The following ATG10 variants were observed in gnomAD, a reference collection of about 807,000 sequenced individuals.
ATG10 encodes autophagy related 10, also known as ubiquitin-like-conjugating enzyme ATG10.
In ATG10, 30 loss-of-function variants were observed where a neutral mutation model predicts 32.1. That is an observed-to-expected ratio of 0.94 (90% confidence interval 0.70 to 1.27). ATG10 has a LOEUF of 1.27. Among genes scored for constraint, ATG10 ranks in the 50% most tolerant of loss-of-function variants. The pLI is 0.00. For synonymous variants in ATG10, 87 were observed against 91.5 expected (o/e 0.95, Z 0.28); for missense variants, 233 against 262.3 (o/e 0.89, Z 0.77).
intron 5 of ATG10, among the ~76,000 whole-genome samples, chr5:82,216,490 C>A (rs953049044): frequency 5.3e-5 from 8 of 152,180 alleles, no homozygotes; most frequent in South Asian, 4.1e-4. Flanking sequence ...TTATGCATCA[C>A]ATCCACAATA....
intron 3 of ATG10, among the ~76,000 whole-genome samples, chr5:82,158,449 T>C (rs1359871853): frequency 6.7e-6 from 1 of 149,868 alleles, no homozygotes; most frequent in Non-Finnish European, 1.5e-5. Context: ...GAACTGAGCA[T>C]GTATAGACCT....
intron 2 of ATG10, chr5:82,009,852 T>A (rs1388672003): frequency 6.2e-7 from 1 of 1,608,588 alleles, no homozygotes; most frequent in Non-Finnish European, 8.5e-7. Flanking sequence ...TTCAAATTTC[T>A]CCCCATAGAT....
intron 1 of ATG10, chr5:81,976,264 C>G (rs1346184761): frequency 2.0e-5 from 3 of 152,566 alleles, no homozygotes; most frequent in Non-Finnish European, 4.4e-5. Flanking sequence ...CCGCCTCGGC[C>G]TCCCAAAGTG....
At position 82,035,989 on chromosome 5, in the gene ATG10, C is replaced by T. The variant is rs912125359; in HGVS notation, c.109-22506C>T. Among the ~76,000 whole-genome samples, 5 of 152,034 alleles carry T rather than the reference C, an allele frequency of 3.3e-5. No individual in the cohort carries two copies. In the South Asian group the frequency reaches 1.0e-3, roughly 32 times the overall value. Reference sequence around the variant, plus strand: ...GTTTTGCTCAGGAAATCTTTTACAACTTCAAAATTGGAAAATATTCTTTTG... The same window carrying T: ...GTTTTGCTCAGGAAATCTTTTACAATTTCAAAATTGGAAAATATTCTTTTG... On this transcript the variant is annotated intron_variant, in intron 2 of 7. Transcript: ENST00000282185.
At chr5:82,187,328 T>C (rs1436060070) in intron 5 of ATG10, among the ~76,000 whole-genome samples, 1 of 151,812 alleles carries the variant, frequency 6.6e-6, no homozygotes, top group East Asian at 2.0e-4. Flanking sequence ...CTGGCTAACA[T>C]GGGGAAACCC....
chr5:82,071,373 G>C (rs1764127432), intron 3 of ATG10, among the ~76,000 whole-genome samples: 1 of 152,136 alleles, frequency 6.6e-6, no homozygotes, highest in Admixed American at 6.6e-5. Flanking sequence ...GCTGAGGATG[G>C]ATTCCATGTC....
intron 3 of ATG10, among the ~76,000 whole-genome samples, chr5:82,091,177 C>T (rs566373575): frequency 3.0e-4 from 45 of 152,290 alleles, no homozygotes; most frequent in African/African-American, 9.6e-4. Flanking sequence ...GGCAGCCTCT[C>T]TTTTCTTGGG....
At chr5:82,013,550 G>A (rs1762191890) in intron 2 of ATG10, among the ~76,000 whole-genome samples, 1 of 152,162 alleles carries the variant, frequency 6.6e-6, no homozygotes, top group Admixed American at 6.5e-5. Flanking sequence ...TCAAATGGTA[G>A]ATCTACTTTT....
rs933468758 is a variant in ATG10 at position 82,254,961 on chromosome 5, A to G, written c.*898A>G. 1 of 151,830 alleles carries G rather than the reference A, an allele frequency of 6.6e-6. No homozygotes were observed. The highest frequency in any genetic ancestry group is 2.4e-5 in the African/African-American group (1 of 41,318). The allele number at this position is 151,830 out of a possible 1,614,324, so 9.4% of individuals were successfully genotyped here. ...GTGTAGATAGTTGTAAAACAAAGAAAAAACACAATATTTTACTGTGAGATA... is the reference window on the plus strand; with the variant it reads ...GTGTAGATAGTTGTAAAACAAAGAAGAAACACAATATTTTACTGTGAGATA... On this transcript the variant is annotated 3_prime_UTR_variant, in exon 8 of 8. Transcript: ENST00000282185.
intron 3 of ATG10, among the ~76,000 whole-genome samples, chr5:82,124,314 T>A (rs539028212): frequency 7.9e-5 from 12 of 151,770 alleles, no homozygotes; most frequent in South Asian, 2.1e-4. Flanking sequence ...TTTTTTTTTT[T>A]TATAATTTAA....
At chr5:82,149,666 C>T (rs568878976) in intron 3 of ATG10, among the ~76,000 whole-genome samples, 2 of 143,886 alleles carry the variant, frequency 1.4e-5, no homozygotes, top group East Asian at 4.1e-4. Context: ...TAAGCCTACA[C>T]TGACAGTTTG....
intron 2 of ATG10, among the ~76,000 whole-genome samples, chr5:82,042,298 C>T (rs190689476): frequency 3.9e-4 from 59 of 152,132 alleles, no homozygotes; most frequent in Non-Finnish European, 7.5e-4. Flanking sequence ...ACTTTTAAAC[C>T]ATCAGATTTT....
chr5:82,174,876 G>C (rs1359992225), intron 4 of ATG10, among the ~76,000 whole-genome samples: 1 of 152,186 alleles, frequency 6.6e-6, no homozygotes, highest in Non-Finnish European at 1.5e-5. Flanking sequence ...AGTGGCCCTT[G>C]AGATAGCCGT....
intron 3 of ATG10, among the ~76,000 whole-genome samples, chr5:82,113,262 T>A (rs375040691): frequency 6.6e-6 from 1 of 152,040 alleles, no homozygotes; most frequent in African/African-American, 2.4e-5. Context: ...AGCATGTGAG[T>A]GCATATTTGA....
chr5:82,017,683 C>A (rs995084704), intron 2 of ATG10, among the ~76,000 whole-genome samples: 3 of 152,030 alleles, frequency 2.0e-5, no homozygotes, highest in African/African-American at 7.2e-5. Context: ...AGTAAAATTT[C>A]TTTTCTTATG....
At chr5:82,020,617 G>T (rs574133290) in intron 2 of ATG10, among the ~76,000 whole-genome samples, 8 of 152,300 alleles carry the variant, frequency 5.3e-5, no homozygotes, top group South Asian at 2.1e-4. Context: ...TCAACTGAGG[G>T]TTGGCTGGGG....
chr5:82,199,812 C>A (rs1218773871), intron 5 of ATG10, among the ~76,000 whole-genome samples: 2 of 152,160 alleles, frequency 1.3e-5, no homozygotes, highest in Non-Finnish European at 2.9e-5. Context: ...CCCCTTGTAG[C>A]CAACCTTTTC....
At chr5:82,243,770 T>C (rs547799867) in intron 5 of ATG10, among the ~76,000 whole-genome samples, 1 of 152,200 alleles carries the variant, frequency 6.6e-6, no homozygotes, top group South Asian at 2.1e-4. Context: ...GATATACATA[T>C]GGACAACACA....
chr5:82,131,998 C>T (rs571685561), intron 3 of ATG10, among the ~76,000 whole-genome samples: 3 of 152,124 alleles, frequency 2.0e-5, no homozygotes, highest in Admixed American at 6.5e-5. Context: ...ACACATTTAA[C>T]AAGATCTTGT....
Sources: allele counts gnomAD v4.1 joint callset (sites outside exome capture counted in the v4.1 genomes callset), GRCh38; gene constraint gnomAD v4.1.1; transcripts MANE v1.5; gene names NCBI Gene and HGNC (gene_info 2026-07-23, HGNC 2026-07-21).